Variants in REPS1 observed in about 807,000 individuals in gnomAD.
REPS1 encodes the protein RALBP1 associated Eps domain containing 1.
REPS1 carries 39 observed loss-of-function variants against 100.9 expected under a neutral mutation model. That is an observed-to-expected ratio of 0.39 (90% CI 0.30 to 0.50). The LOEUF (loss-of-function observed/expected upper bound fraction) is 0.50, where lower values mean the gene tolerates loss of function less well. Among genes scored for constraint, REPS1 ranks in the 20% least tolerant of loss-of-function variants. The probability of loss-of-function intolerance (pLI) is 0.86; values close to 1 mark genes in which losing one functional copy is unlikely to be tolerated. For missense variants in REPS1, 821 were observed against 968.5 expected, an observed-to-expected ratio of 0.85 and a Z score of 2.02; for synonymous variants, 324 against 340.3, an observed-to-expected ratio of 0.95 and a Z score of 0.53.
intron 15 of REPS1, among the ~76,000 whole-genome samples, chr6:138,913,239 GCCCTA>G (rs1237697943): frequency 6.6e-6 from 1 of 151,960 alleles, no homozygotes; most frequent in Admixed American, 6.6e-5. Flanking sequence ...GGTAGGTCTG[GCCCTA>G]CCCCCATTCT....
At chr6:138,934,829 T>G (rs1426007335) in intron 8 of REPS1, among the ~76,000 whole-genome samples, 1 of 152,180 alleles carries the variant, frequency 6.6e-6, no homozygotes, top group Non-Finnish European at 1.5e-5. Flanking sequence ...TTAATAACTT[T>G]ATCAAGGCAA....
rs563664872 is a variant in REPS1, at chr6:138,919,195, T to C, written c.1528+1020A>G. Among the ~76,000 whole-genome samples the C allele has an allele frequency of 2.0e-5, 3 of 152,246 alleles. No individual in the cohort carries two copies. In the East Asian group the frequency reaches 5.8e-4, roughly 29 times the overall value. On this transcript the variant is annotated intron_variant, in intron 12 of 19. Coordinates refer to ENST00000450536, the MANE Select transcript of REPS1 (RefSeq NM_001286611.2). ...TGACTCCTTTCTCTCTTACATCCTA[T>C]AGCACACAGGTAAAAGCAACTCCTG...
chr6:138,917,499 A>C (rs1406282285), intron 13 of REPS1, 56 bp downstream of exon 13: 2 of 1,341,150 alleles, frequency 1.5e-6, no homozygotes, highest in Admixed American at 3.4e-5. Flanking sequence ...AATAGTTTTA[A>C]ACATTAAAAC....
At position 138,904,044 on chromosome 6, in the gene REPS1, A is replaced by C. The variant is rs974956566; in HGVS notation, c.*1020T>G. ...AATATTATGCTGTTTTATTGGTGTA[A>C]AACCACACTTCTGATTCTGCCAAGA... On this transcript the variant is annotated 3_prime_UTR_variant, in exon 20 of 20. Transcript: ENST00000450536. 7 of 152,222 alleles carry C rather than the reference A, an allele frequency of 4.6e-5. No individual in the cohort carries two copies. The highest frequency in any genetic ancestry group is 1.7e-4 in the African/African-American group (7 of 41,460). The allele number at this position is 152,222 out of a possible 1,614,324, so 9.4% of individuals were successfully genotyped here. A position where few individuals can be genotyped will look rare whatever the true frequency, so the allele number is the denominator to read the frequency against.
chr6:138,921,928 T>C (rs1225787128), intron 10 of REPS1, among the ~76,000 whole-genome samples: 5 of 151,796 alleles, frequency 3.3e-5, no homozygotes, highest in Admixed American at 2.0e-4. Context: ...GCTGTGATCA[T>C]GCCACATCAT....
intron 1 of REPS1, among the ~76,000 whole-genome samples, chr6:138,963,538 A>G (rs1185123372): frequency 6.6e-6 from 1 of 152,352 alleles, no homozygotes; most frequent in East Asian, 1.9e-4. Context: ...TCTTACTTGG[A>G]AAGATCATGT....
At chr6:138,950,160 C>T (rs1246574516) in intron 1 of REPS1, among the ~76,000 whole-genome samples, 1 of 152,018 alleles carries the variant, frequency 6.6e-6, no homozygotes, top group Non-Finnish European at 1.5e-5. Flanking sequence ...AATCAGATAT[C>T]CTTTTGATCC....
At chr6:138,975,192 C>T (rs536315889) in intron 1 of REPS1, among the ~76,000 whole-genome samples, 5 of 152,246 alleles carry the variant, frequency 3.3e-5, no homozygotes, top group African/African-American at 1.2e-4. Flanking sequence ...ACATTATCTT[C>T]TCCCCAAACC....
chr6:138,921,979 G>GTGTA (rs1158796106), intron 10 of REPS1, among the ~76,000 whole-genome samples: 14 of 40,904 alleles, frequency 3.4e-4, no homozygotes, highest in African/African-American at 1.1e-3. Flanking sequence ...CTCAAAAAGT[G>GTGTA]TGTGTGTGTG....
intron 16 of REPS1, 60 bp downstream of exon 16, chr6:138,912,705 C>T: frequency 1.3e-6 from 2 of 1,504,530 alleles, no homozygotes; most frequent in South Asian, 1.1e-5. Context: ...GCTCTGTTGA[C>T]ACAACATGGT....
intron 8 of REPS1, among the ~76,000 whole-genome samples, chr6:138,935,242 T>C (rs1266563686): frequency 1.3e-5 from 2 of 152,258 alleles, no homozygotes; most frequent in East Asian, 3.9e-4. Flanking sequence ...AAAGTAAAAA[T>C]GTGTCCAACA....
intron 1 of REPS1, among the ~76,000 whole-genome samples, chr6:138,957,373 A>C (rs1783454423): frequency 6.6e-6 from 1 of 152,244 alleles, no homozygotes; most frequent in Non-Finnish European, 1.5e-5. Context: ...AATATCAGAA[A>C]ACAATAAAGC....
In REPS1 at chr6:138,955,457, AGTGTGTG is replaced by A. The variant is rs1380082018; in HGVS notation, c.154-7551_154-7545del. On this transcript the variant is annotated intron_variant, in intron 1 of 19. Coordinates refer to ENST00000450536, the MANE Select transcript of REPS1 (RefSeq NM_001286611.2). ...TGTCTCTTTAAAAAAAAAAAAAAAA[AGTGTGTG>A]TGTGTGTGTGTGTGTGTGTGTGTGT... Among the ~76,000 whole-genome samples, 25 of 90,736 alleles carry A rather than the reference AGTGTGTG, an allele frequency of 2.8e-4. 1 individual carries two copies. In the East Asian group the frequency reaches 0.011, roughly 40 times the overall value. The allele number at this position is 90,736 out of a possible 152,430, so 59.5% of individuals were successfully genotyped here.
chr6:138,983,117 T>C lies in REPS1; in HGVS notation c.153+4413A>G, dbSNP rs141772975. On this transcript the variant is annotated intron_variant, in intron 1 of 19. Transcript: ENST00000450536. ...GTAAGAGCTGGGACGTGAATAATAG[T>C]AAGGGAGAGATACGAATATTCACAA... Among the ~76,000 whole-genome samples, 68 of 152,248 alleles carry C rather than the reference T, an allele frequency of 4.5e-4. No homozygotes were observed. The East Asian group carries it at 0.012, about 28-fold the overall frequency.
In REPS1 at chr6:138,970,020, G is replaced by C. The variant is rs181373997; in HGVS notation, c.153+17510C>G. Among the ~76,000 whole-genome samples the C allele has an allele frequency of 2.6e-5, 4 of 152,168 alleles. No homozygotes were observed. In the East Asian group the frequency reaches 7.7e-4, roughly 29 times the overall value. On this transcript the variant is annotated intron_variant, in intron 1 of 19. Coordinates refer to ENST00000450536, the MANE Select transcript of REPS1 (RefSeq NM_001286611.2). ...GTGGCTAGGTGGTACACTGAAGCTA[G>C]ATGATGAAGGCTCTAAATGCCACAC...
intron 8 of REPS1, among the ~76,000 whole-genome samples, chr6:138,939,281 G>GA (rs150099197): frequency 6.6e-6 from 1 of 151,906 alleles, no homozygotes; most frequent in African/African-American, 2.4e-5. Context: ...TGTGAGGGGG[G>GA]AAAAAACTAT....
At chr6:138,944,059 G>A (rs779861545) in intron 5 of REPS1, 44 bp from the exon 6 acceptor site, 3 of 1,555,374 alleles carry the variant, frequency 1.9e-6, no homozygotes, top group African/African-American at 1.4e-5. Context: ...CTACCTACAT[G>A]ATTATATGGA....
intron 8 of REPS1, 114 bp from the exon 9 acceptor site, chr6:138,930,212 A>G: frequency 1.3e-6 from 1 of 769,166 alleles, no homozygotes; most frequent in Non-Finnish European, 2.0e-6. Flanking sequence ...GTAATATATA[A>G]TCTAAATCTC....
chr6:138,974,507 T>A (rs961445498), intron 1 of REPS1, among the ~76,000 whole-genome samples: 16 of 152,200 alleles, frequency 1.1e-4, no homozygotes, highest in African/African-American at 2.9e-4. Flanking sequence ...TAAAACCTCT[T>A]ATATTAAATG....
Sources: allele counts gnomAD v4.1 joint callset (sites outside exome capture counted in the v4.1 genomes callset), GRCh38; gene constraint gnomAD v4.1.1; transcripts MANE v1.5; gene names NCBI Gene and HGNC (gene_info 2026-07-23, HGNC 2026-07-21).